Variants in SYT16 observed in about 807,000 individuals in gnomAD.
The protein encoded by SYT16 is synaptotagmin 16, also known as synaptotagmin-16.
A neutral mutation model predicts 61.4 loss-of-function variants in SYT16; 42 were observed. That is an observed-to-expected ratio of 0.68 (90% confidence interval 0.53 to 0.89). The LOEUF (loss-of-function observed/expected upper bound fraction) is 0.89, where lower values mean the gene tolerates loss of function less well. Among genes scored for constraint, SYT16 ranks in the 40% least tolerant of loss-of-function variants. SYT16 has a pLI of 0.00. For missense variants in SYT16, 804 were observed against 807.3 expected, an observed-to-expected ratio of 1.00 and a Z score of 0.05; for synonymous variants, 314 against 302.3, an observed-to-expected ratio of 1.04 and a Z score of -0.40.
At chr14:62,032,715 T>TAA (rs530028053) in intron 3 of SYT16, among the ~76,000 whole-genome samples, 3 of 146,334 alleles carry the variant, frequency 2.1e-5, no homozygotes, top group South Asian at 4.3e-4. Flanking sequence ...CTACAGTTAG[T>TAA]AAAAAAAAAA....
At chr14:61,983,285 T>C (rs1436441812) in intron 2 of SYT16, among the ~76,000 whole-genome samples, 3 of 152,214 alleles carry the variant, frequency 2.0e-5, no homozygotes, top group Admixed American at 2.0e-4. Flanking sequence ...AAAATATATG[T>C]GTTCCTCTAA....
chr14:62,081,142 C>T lies in SYT16; in HGVS notation c.1302C>T (p.Arg434=). The T allele has an allele frequency of 6.2e-7, 1 of 1,613,954 alleles. No homozygotes were observed. The highest frequency in any genetic ancestry group is 1.1e-5 in the South Asian group (1 of 91,060). ...GAGATGTGGCTGCCTGTGCTGTCCG[C>T]TTCCGCCTGTACGCTGCCCGGAAGA... ...EPRDVAACAV[R]FRLYAARKMT... Residue 434 remains arginine (R), a synonymous_variant, in exon 6 of 8, where the codon CGC becomes CGT. Transcript: ENST00000683842.
chr14:61,994,617 G>A (rs2052688198), intron 2 of SYT16, among the ~76,000 whole-genome samples: 1 of 152,096 alleles, frequency 6.6e-6, no homozygotes, highest in Non-Finnish European at 1.5e-5. Context: ...GACAAGTTTT[G>A]GTTGTATACA....
intron 1 of SYT16, among the ~76,000 whole-genome samples, chr14:61,862,119 A>G (rs1359452827): frequency 1.3e-5 from 2 of 152,246 alleles, no homozygotes; most frequent in Non-Finnish European, 2.9e-5. Flanking sequence ...TAGCTTTATG[A>G]AAGTATAATT....
chr14:61,994,227 C>T (rs549141290), intron 2 of SYT16, among the ~76,000 whole-genome samples: 4 of 152,202 alleles, frequency 2.6e-5, no homozygotes, highest in Admixed American at 6.5e-5. Flanking sequence ...GAGTGATGAA[C>T]GCTTGTAGCA....
chr14:62,009,701 G>A (rs892730364), intron 3 of SYT16, among the ~76,000 whole-genome samples: 5 of 152,152 alleles, frequency 3.3e-5, no homozygotes, highest in African/African-American at 1.2e-4. Context: ...TTTACTCACT[G>A]TTCCTATTAG....
chr14:61,910,824 C>T (rs540141363), intron 1 of SYT16, among the ~76,000 whole-genome samples: 3 of 152,304 alleles, frequency 2.0e-5, no homozygotes, highest in East Asian at 1.9e-4. Context: ...CCACCGTGCC[C>T]GGCCATATGC....
intron 1 of SYT16, chr14:61,865,013 G>T: frequency 7.1e-7 from 1 of 1,413,658 alleles, no homozygotes; most frequent in Non-Finnish European, 1.0e-6. Context: ...GCTCTTTGAT[G>T]CCCTGAGAGG....
At chr14:61,985,211 A>G (rs2052251766) in intron 2 of SYT16, among the ~76,000 whole-genome samples, 1 of 152,204 alleles carries the variant, frequency 6.6e-6, no homozygotes, top group African/African-American at 2.4e-5. Context: ...CACTTCAGTA[A>G]TGAACAATTT....
chr14:61,987,870 A>T (rs1427042257), intron 2 of SYT16, among the ~76,000 whole-genome samples: 1 of 152,102 alleles, frequency 6.6e-6, no homozygotes, highest in Non-Finnish European at 1.5e-5. Flanking sequence ...CAAGAGGGTT[A>T]CAGTGACCTT....
intron 1 of SYT16, among the ~76,000 whole-genome samples, chr14:61,929,048 T>C (rs1174002914): frequency 6.6e-6 from 1 of 152,216 alleles, no homozygotes; most frequent in Non-Finnish European, 1.5e-5. Context: ...TTTCTGGTGG[T>C]TCACCTCTTC....
chr14:61,985,297 A>G (rs1345848859), intron 2 of SYT16, among the ~76,000 whole-genome samples: 1 of 152,202 alleles, frequency 6.6e-6, no homozygotes, highest in African/African-American at 2.4e-5. Context: ...AGTTGTTAGC[A>G]CTGATTTAGA....
At chr14:61,959,468 A>G (rs1457505898) in intron 1 of SYT16, among the ~76,000 whole-genome samples, 1 of 152,054 alleles carries the variant, frequency 6.6e-6, no homozygotes, top group East Asian at 1.9e-4. Context: ...TTATAGTTAT[A>G]GCAGTGTATT....
chr14:61,864,938 C>T (rs1378512033), intron 1 of SYT16: 2 of 1,300,482 alleles, frequency 1.5e-6, no homozygotes, highest in Non-Finnish European at 2.2e-6. Flanking sequence ...CCTGGGCTGC[C>T]TGCAGGCCTT....
rs556995166 is a variant in SYT16, at chr14:61,979,286, G to A, written c.-145+8975G>A. On this transcript the variant is annotated intron_variant, in intron 2 of 7. Coordinates refer to ENST00000683842, the MANE Select transcript of SYT16 (RefSeq NM_001367656.1). ...CATCTTATAGTTGTAAATAACCATC[G>A]TCAGCTTCCTCATACTTCATATTTA... is the stretch of plus-strand genomic sequence containing the variant. 2.6e-5 allele frequency among the ~76,000 whole-genome samples: 4 copies of A among 152,198 alleles called. No individual in the cohort carries two copies. The East Asian group carries it at 5.8e-4, about 22-fold the overall frequency.
chr14:61,953,194 T>C (rs1594999235), intron 1 of SYT16, among the ~76,000 whole-genome samples: 3 of 152,216 alleles, frequency 2.0e-5, no homozygotes, highest in Admixed American at 2.0e-4. Context: ...ATGAGTCTAA[T>C]TGTGCAGATA....
At chr14:62,014,745 T>C (rs543676578) in intron 3 of SYT16, among the ~76,000 whole-genome samples, 21 of 152,180 alleles carry the variant, frequency 1.4e-4, no homozygotes, top group Admixed American at 1.3e-3. Flanking sequence ...GTTTCTCTAT[T>C]TTTATGTTAT....
At chr14:62,093,124 C>G (rs1227809368) in intron 7 of SYT16, among the ~76,000 whole-genome samples, 1 of 151,850 alleles carries the variant, frequency 6.6e-6, no homozygotes, top group Non-Finnish European at 1.5e-5. Context: ...GAAACTAAAA[C>G]AGTTCTAAAA....
chr14:61,858,783 G>A (rs2046861535), intron 1 of SYT16, among the ~76,000 whole-genome samples: 1 of 150,112 alleles, frequency 6.7e-6, no homozygotes, highest in Admixed American at 6.6e-5. Context: ...AGATAGTAAG[G>A]TTATGGGAGT....
Sources: allele counts gnomAD v4.1 joint callset (sites outside exome capture counted in the v4.1 genomes callset), GRCh38; gene constraint gnomAD v4.1.1; transcripts MANE v1.5; gene names NCBI Gene and HGNC (gene_info 2026-07-23, HGNC 2026-07-21).